The following C6 variants were observed in gnomAD, a reference collection of about 807,000 sequenced individuals.
The protein encoded by C6 is complement C6.
C6 carries 101 observed loss-of-function variants against 112.9 expected under a neutral mutation model. The observed-to-expected ratio is 0.89, with a 90% CI of 0.76 to 1.06. The LOEUF is 1.06. C6 is among the 50% of genes least tolerant of loss of function. C6 has a pLI of 0.00. For missense variants in C6, 1,202 were observed against 1,104.6 expected (o/e 1.09, Z -1.25); for synonymous variants, 431 against 384.1 (o/e 1.12, Z -1.43).
At chr5:41,201,788 T>C (rs1331836675) in intron 2 of C6, 74 bp from the exon 3 acceptor site, 1 of 1,323,822 alleles carries the variant, frequency 7.6e-7, no homozygotes, top group Non-Finnish European at 1.1e-6. Context: ...CAAAGTATCA[T>C]TGAGCATTAA....
At chr5:41,161,110 A>G (rs533080182) in intron 10 of C6, among the ~76,000 whole-genome samples, 1 of 152,298 alleles carries the variant, frequency 6.6e-6, no homozygotes, top group South Asian at 2.1e-4. Context: ...AAATGAAATG[A>G]ACATAACAGC....
At chr5:41,173,947 G>C (rs1392844108) in intron 8 of C6, among the ~76,000 whole-genome samples, 2 of 152,054 alleles carry the variant, frequency 1.3e-5, no homozygotes, top group East Asian at 3.8e-4. Flanking sequence ...TTATAAGTGG[G>C]TTAGTCAAAT....
At chr5:41,229,787 T>C (rs748586376) in intron 1 of C6, among the ~76,000 whole-genome samples, 5 of 152,194 alleles carry the variant, frequency 3.3e-5, no homozygotes, top group Non-Finnish European at 7.4e-5. Flanking sequence ...TAAAGTTCAA[T>C]ACTATTGTTT....
rs931469366 is a variant in C6 at position 41,179,390 on chromosome 5, GTCTA to G, written c.927+1965_927+1968del. Among the ~76,000 whole-genome samples, 8 of 151,940 alleles carry G rather than the reference GTCTA, an allele frequency of 5.3e-5. No individual in the cohort carries two copies. The East Asian group carries it at 5.8e-4, about 11-fold the overall frequency. On this transcript the variant is annotated intron_variant, in intron 7 of 17. Transcript: ENST00000337836. Reference sequence around the variant, plus strand: ...CTGTACCTATGTCTCATACAAACATGTCTATCTATCTCCCTTCATCATTGACTAT... The same window carrying G: ...CTGTACCTATGTCTCATACAAACATGTCTATCTCCCTTCATCATTGACTAT...
In C6 at chr5:41,206,059, C is replaced by A. The variant is rs151030939; in HGVS notation, c.-20-2809G>T. The stretch of plus-strand genomic sequence containing the variant: ...TCAGGCAGCAACATTTGCCGTTCTG[C>A]AGTGTGGGCTGTTCTACAGCCTCCG... On this transcript the variant is annotated intron_variant, in intron 1 of 17. Coordinates refer to ENST00000337836, the MANE Select transcript of C6 (RefSeq NM_000065.5). Among the ~76,000 whole-genome samples the A allele has an allele frequency of 4.3e-3, 662 of 152,312 alleles. 7 individuals are homozygous for A. The highest frequency in any genetic ancestry group is 0.015 in the African/African-American group (626 of 41,568).
chr5:41,159,151 CGTT>C lies in C6; in HGVS notation c.1784_1786del (p.Gln595del). On this transcript the variant is annotated inframe_deletion, in exon 12 of 18. Coordinates refer to ENST00000337836, the MANE Select transcript of C6 (RefSeq NM_000065.5). ...CTCCCCCTCACAGCGTTTCCCTCCT[CGTT>C]GGGGGGCAGGATTATTGCATTCTCG... The C allele has an allele frequency of 1.2e-6, 2 of 1,613,660 alleles. No individual in the cohort carries two copies. The highest frequency in any genetic ancestry group is 1.7e-6 in the Non-Finnish European group (2 of 1,179,748).
At chr5:41,209,004 A>G (rs1217921330) in intron 1 of C6, among the ~76,000 whole-genome samples, 1 of 152,232 alleles carries the variant, frequency 6.6e-6, no homozygotes, top group African/African-American at 2.4e-5. Context: ...CCAGCAGCAC[A>G]TCAAAAAGCT....
Position 41,204,819 on chromosome 5 carries a change from AC to A in C6, c.-20-1570del, listed in dbSNP as rs1249183236. ...TGAGGAGGTGGGACTACAGGTGCTC[AC>A]CACCACATCCAGCTAATTTTTTGAA... On this transcript the variant is annotated intron_variant, in intron 1 of 17. Coordinates refer to ENST00000337836, the MANE Select transcript of C6 (RefSeq NM_000065.5). 2.6e-5 allele frequency among the ~76,000 whole-genome samples: 4 copies of A among 151,870 alleles called. No homozygotes were observed. In the East Asian group the frequency reaches 7.8e-4, roughly 30 times the overall value.
At chr5:41,143,214 C>T (rs534618281) in intron 17 of C6, among the ~76,000 whole-genome samples, 133 of 152,082 alleles carry the variant, frequency 8.7e-4, no homozygotes, top group African/African-American at 2.8e-3. Flanking sequence ...AGGCAATGAC[C>T]CCAAAGACCC....
At chr5:41,181,214 AT>A (rs1749311914) in intron 7 of C6, 144 bp downstream of exon 7, 1 of 688,670 alleles carries the variant, frequency 1.5e-6, no homozygotes, top group African/African-American at 1.8e-5. Flanking sequence ...GAAGTGAGAT[AT>A]AACAAAAAAT....
At chr5:41,164,607 G>A (rs1216260837) in intron 9 of C6, among the ~76,000 whole-genome samples, 1 of 152,204 alleles carries the variant, frequency 6.6e-6, no homozygotes, top group Non-Finnish European at 1.5e-5. Flanking sequence ...GATTTAAAAT[G>A]ATTCAGGAAT....
Position 41,142,727 on chromosome 5 carries a change from C to T in C6, c.*98G>A. 1.1e-6 allele frequency: 1 copy of T among 934,242 alleles called. No individual in the cohort carries two copies. Among genetic ancestry groups the T allele is most frequent in the South Asian group, 1.3e-5 (1 of 76,928 alleles). 57.9% of individuals were successfully genotyped at this position (934,242 alleles called of 1,614,324 possible). On this transcript the variant is annotated 3_prime_UTR_variant, in exon 18 of 18. Transcript: ENST00000337836. Reference sequence around the variant, plus strand: ...AATAATTTTTGTCAGTAACTTTGAGCATGCCAGTCTGCTGTTTGTGCAAGA... The same window carrying T: ...AATAATTTTTGTCAGTAACTTTGAGTATGCCAGTCTGCTGTTTGTGCAAGA...
At chr5:41,257,097 AC>A (rs1468634347) in intron 1 of C6, among the ~76,000 whole-genome samples, 1 of 152,054 alleles carries the variant, frequency 6.6e-6, no homozygotes, top group East Asian at 1.9e-4. Context: ...ATTGCATTTC[AC>A]GGGGGTTCGG....
In C6 at chr5:41,209,307, G is replaced by T. The variant is rs1000847230; in HGVS notation, c.-21+4069C>A. On this transcript the variant is annotated intron_variant, in intron 1 of 17. Coordinates refer to ENST00000337836, the MANE Select transcript of C6 (RefSeq NM_000065.5). ...CTGGAAGCATTCCCTTTGAAAACTG[G>T]CACAAGACAAGGATTCCCTCTTTCA... Among the ~76,000 whole-genome samples the T allele has an allele frequency of 3.2e-4, 48 of 152,230 alleles. 1 individual carries two copies. The highest frequency in any genetic ancestry group is 1.1e-3 in the African/African-American group (44 of 41,532).
rs1748880248 is a variant in C6, at chr5:41,176,671, G to T, written c.972C>A (p.Asn324Lys). Residue 324 changes from asparagine to lysine, a missense_variant, in exon 8 of 18, where the codon AAC becomes AAA. By Grantham distance (94) the Asn-to-Lys change is moderately conservative (BLOSUM62 0). Transcript: ENST00000337836. ...GCAGATCTTTAGCTTTCGTTGTGAA[G>T]TTTAAGACTTTCATCACTTTATGGA... Reference protein sequence around the residue: ...IRIHKVMKVLNFTTKAKDLHL... With the variant: ...IRIHKVMKVLKFTTKAKDLHL... The T allele has an allele frequency of 6.2e-7, 1 of 1,613,122 alleles. No individual in the cohort carries two copies. The highest frequency in any genetic ancestry group is 1.7e-5 in the Admixed American group (1 of 59,998).
chr5:41,190,772 T>G (rs1750132300), intron 5 of C6, among the ~76,000 whole-genome samples: 1 of 152,192 alleles, frequency 6.6e-6, no homozygotes, highest in Non-Finnish European at 1.5e-5. Flanking sequence ...TGGAGTTGAT[T>G]TTTGTATAGC....
rs111997824 is a variant in C6, at chr5:41,198,045, C to A, written c.445+1723G>T. 7.9e-3 allele frequency among the ~76,000 whole-genome samples: 1,208 copies of A among 152,206 alleles called. 17 individuals carry two copies. Among genetic ancestry groups the A allele is most frequent in the African/African-American group, 0.027 (1,132 of 41,546 alleles). On this transcript the variant is annotated intron_variant, in intron 4 of 17. Coordinates refer to ENST00000337836, the MANE Select transcript of C6 (RefSeq NM_000065.5). ...TATTTTTTAAAACCAGCTGCAAATTCTCTAGTCTTTTATGCTTAAAATTAG... is the reference window on the plus strand; with the variant it reads ...TATTTTTTAAAACCAGCTGCAAATTATCTAGTCTTTTATGCTTAAAATTAG...
intron 13 of C6, among the ~76,000 whole-genome samples, chr5:41,155,456 G>A (rs974320725): frequency 2.0e-5 from 3 of 152,078 alleles, no homozygotes; most frequent in Non-Finnish European, 2.9e-5. Context: ...GAGAGGCTGA[G>A]GCACATGGAT....
chr5:41,255,894 T>C (rs1374204506), intron 1 of C6, among the ~76,000 whole-genome samples: 3 of 152,156 alleles, frequency 2.0e-5, no homozygotes, highest in Non-Finnish European at 2.9e-5. Context: ...GGCAAAATCA[T>C]TGTGAAAAGA....
Sources: allele counts gnomAD v4.1 joint callset (sites outside exome capture counted in the v4.1 genomes callset), GRCh38; gene constraint gnomAD v4.1.1; transcripts MANE v1.5; gene names NCBI Gene and HGNC (gene_info 2026-07-23, HGNC 2026-07-21).